Variants in SRGAP3 observed in about 807,000 individuals in gnomAD.
The protein encoded by SRGAP3 is SLIT-ROBO Rho GTPase activating protein 3.
Under a neutral mutation model 121.1 loss-of-function variants are expected in SRGAP3, and 39 were observed. The observed-to-expected ratio is 0.32, with a 90% CI of 0.25 to 0.42. The LOEUF (loss-of-function observed/expected upper bound fraction) is 0.42, where lower values mean the gene tolerates loss of function less well. Ranked by LOEUF, SRGAP3 falls within the 10% of genes least tolerant of loss-of-function variation. SRGAP3 has a pLI of 1.00. For missense variants in SRGAP3, 1,213 were observed against 1,470.6 expected (o/e 0.82, Z 2.86); for synonymous variants, 601 against 570.0 (o/e 1.05, Z -0.77).
At chr3:9,195,948 C>G (rs894493757) in intron 1 of SRGAP3, among the ~76,000 whole-genome samples, 3 of 151,962 alleles carry the variant, frequency 2.0e-5, no homozygotes, top group Non-Finnish European at 4.4e-5. Context: ...AGAGCAAGAC[C>G]CTGTCTCCAA....
chr3:9,260,530 TG>T (rs1954232835), intron 3 of SRGAP3, among the ~76,000 whole-genome samples: 1 of 152,184 alleles, frequency 6.6e-6, no homozygotes, highest in Non-Finnish European at 1.5e-5. Flanking sequence ...ATAAAGCCAC[TG>T]GGAAGTTCAA....
Position 8,994,029 on chromosome 3 carries a change from A to G in SRGAP3, c.2408+314T>C, listed in dbSNP as rs142050222. ...CAGGGGAGGCCTAGGAGGTGGAGGC[A>G]CATGGCAGGATCCCCTGGATACTGA... On this transcript the variant is annotated intron_variant, in intron 19 of 21. Transcript: ENST00000383836. The G allele has an allele frequency of 1.7e-4, 74 of 427,302 alleles. No individual in the cohort carries two copies. The East Asian group carries it at 3.5e-3, about 20-fold the overall frequency. 26.5% of individuals were successfully genotyped at this position (427,302 alleles called of 1,614,324 possible).
At chr3:9,048,419 A>T (rs1574975641) in intron 9 of SRGAP3, among the ~76,000 whole-genome samples, 2 of 152,360 alleles carry the variant, frequency 1.3e-5, no homozygotes, top group South Asian at 4.1e-4. Context: ...ATTTCACTGG[A>T]TCCCTCCCTC....
At chr3:9,054,977 T>C (rs1466272825) in intron 8 of SRGAP3, among the ~76,000 whole-genome samples, 1 of 152,232 alleles carries the variant, frequency 6.6e-6, no homozygotes, top group Non-Finnish European at 1.5e-5. Flanking sequence ...TTCATTCTCC[T>C]TTCTTTGGCC....
intron 3 of SRGAP3, among the ~76,000 whole-genome samples, chr3:9,300,432 G>A (rs1955037099): frequency 6.6e-6 from 1 of 151,758 alleles, no homozygotes; most frequent in African/African-American, 2.4e-5. Flanking sequence ...CATCTCCCCA[G>A]ACAGTGAGGC....
intron 3 of SRGAP3, among the ~76,000 whole-genome samples, chr3:9,288,130 G>GTTTTTTTTTTTTTTTTTTTTTTTT (rs57076828): frequency 3.4e-5 from 4 of 119,100 alleles, no homozygotes; most frequent in Admixed American, 9.5e-5. Flanking sequence ...TTCTATCTTT[G>GTTTTTTTTTTTTTTTTTTTTTTTT]TTTTTTTTTT....
chr3:9,320,304 C>T (rs539630941), intron 3 of SRGAP3, among the ~76,000 whole-genome samples: 1 of 151,930 alleles, frequency 6.6e-6, no homozygotes, highest in Admixed American at 6.5e-5. Flanking sequence ...ATCTGTGTTC[C>T]CCACCAAATC....
chr3:9,267,375 C>G (rs1954386311), intron 3 of SRGAP3, among the ~76,000 whole-genome samples: 1 of 152,226 alleles, frequency 6.6e-6, no homozygotes, highest in African/African-American at 2.4e-5. Flanking sequence ...ATGAGATCAA[C>G]TACAAAAGTG....
intron 3 of SRGAP3, among the ~76,000 whole-genome samples, chr3:9,275,994 G>A (rs1049537219): frequency 3.9e-5 from 6 of 152,064 alleles, no homozygotes; most frequent in Non-Finnish European, 7.4e-5. Context: ...GGAGCCAGGA[G>A]TTTGAGACAA....
chr3:9,247,724 G>C (rs375546344), intron 1 of SRGAP3, among the ~76,000 whole-genome samples: 1 of 152,286 alleles, frequency 6.6e-6, no homozygotes, highest in East Asian at 1.9e-4. Context: ...CTCAAGGTCC[G>C]CTGAAGATGC....
At chr3:9,226,411 C>T (rs1327686434) in intron 1 of SRGAP3, among the ~76,000 whole-genome samples, 3 of 152,200 alleles carry the variant, frequency 2.0e-5, no homozygotes, top group African/African-American at 4.8e-5. Context: ...ACAATCTCTT[C>T]CAGGGATTCA....
intron 3 of SRGAP3, among the ~76,000 whole-genome samples, chr3:9,269,960 T>TTCTCAAA (rs1954441419): frequency 6.6e-6 from 1 of 151,970 alleles, no homozygotes; most frequent in Non-Finnish European, 1.5e-5. Flanking sequence ...AAGGAAACGG[T>TTCTCAAA]TCTCAAATAC....
chr3:9,294,306 A>T (rs575421436), intron 3 of SRGAP3, among the ~76,000 whole-genome samples: 1 of 152,286 alleles, frequency 6.6e-6, no homozygotes, highest in East Asian at 1.9e-4. Flanking sequence ...CTCACTTACA[A>T]GTGGGAGCTA....
At chr3:9,298,129 T>C (rs1954983167) in intron 3 of SRGAP3, among the ~76,000 whole-genome samples, 1 of 152,154 alleles carries the variant, frequency 6.6e-6, no homozygotes, top group Admixed American at 6.6e-5. Context: ...TATGGCAGCC[T>C]TAGCACACTA....
chr3:9,025,162 T>C (rs1405632540), intron 14 of SRGAP3, 99 bp downstream of exon 14: 2 of 1,268,964 alleles, frequency 1.6e-6, no homozygotes, highest in Non-Finnish European at 2.3e-6. Context: ...TGCAAACCAC[T>C]GCAGGCTGGC....
At chr3:9,011,312 A>C (rs1943362436) in intron 17 of SRGAP3, among the ~76,000 whole-genome samples, 1 of 152,210 alleles carries the variant, frequency 6.6e-6, no homozygotes, top group African/African-American at 2.4e-5. Flanking sequence ...TTCTCAAAGG[A>C]GTTGACATTT....
intron 3 of SRGAP3, among the ~76,000 whole-genome samples, chr3:9,087,646 C>T (rs927224212): frequency 2.0e-5 from 3 of 152,132 alleles, no homozygotes; most frequent in African/African-American, 4.8e-5. Flanking sequence ...GAGAGAAGCT[C>T]GGCCACAGGT....
intron 3 of SRGAP3, among the ~76,000 whole-genome samples, chr3:9,286,712 C>G (rs1347182322): frequency 6.6e-6 from 1 of 150,724 alleles, no homozygotes; most frequent in African/African-American, 2.4e-5. Flanking sequence ...CCGCCATTCT[C>G]CTGCCTCAGC....
At chr3:9,081,081 G>A (rs1947222688) in intron 3 of SRGAP3, among the ~76,000 whole-genome samples, 1 of 152,192 alleles carries the variant, frequency 6.6e-6, no homozygotes, top group Non-Finnish European at 1.5e-5. Flanking sequence ...TCCAGAAGAT[G>A]TTTCCTGAAG....
Sources: gnomAD v4.1 joint callset for allele counts (sites outside exome capture counted in the v4.1 genomes callset) on GRCh38, gnomAD v4.1.1 for gene constraint, MANE v1.5 for transcripts, NCBI Gene and HGNC (gene_info 2026-07-23, HGNC 2026-07-21) for gene names.